Variants in EDIL3 observed in about 807,000 individuals in gnomAD.
The protein encoded by EDIL3 is EGF-like repeat and discoidin I-like domain-containing protein 3.
Under a neutral mutation model 67.4 loss-of-function variants are expected in EDIL3, and 37 were observed. The ratio of observed to expected loss-of-function variants is 0.55; its 90% confidence interval spans 0.42 to 0.72. The LOEUF is 0.72. EDIL3 is among the 30% of genes least tolerant of loss of function. The probability of loss-of-function intolerance (pLI) is 0.00; values close to 1 mark genes in which losing one functional copy is unlikely to be tolerated. For missense variants in EDIL3, 527 were observed against 586.3 expected (o/e 0.90, Z 1.04); for synonymous variants, 195 against 196.3 (o/e 0.99, Z 0.05).
At position 84,274,593 on chromosome 5, in the gene EDIL3, T is replaced by C. The variant is rs547474307; in HGVS notation, c.68-20381A>G. 5.3e-5 allele frequency among the ~76,000 whole-genome samples: 8 copies of C among 152,334 alleles called. No individual in the cohort carries two copies. In the South Asian group the frequency reaches 1.7e-3, roughly 32 times the overall value. On this transcript the variant is annotated intron_variant, in intron 1 of 10. Coordinates refer to ENST00000296591, the MANE Select transcript of EDIL3 (RefSeq NM_005711.5). ...TATGAAATCTATTTTAAGGATATTA[T>C]TGCTAATTTCATTTTAGTAAAATGT... is the stretch of plus-strand genomic sequence containing the variant.
intron 4 of EDIL3, among the ~76,000 whole-genome samples, chr5:84,153,623 C>A (rs945346286): frequency 6.6e-6 from 1 of 151,982 alleles, no homozygotes; most frequent in African/African-American, 2.4e-5. Flanking sequence ...CCACCATGCC[C>A]AGCTAATTTT....
At chr5:83,981,927 T>A (rs1383233335) in intron 9 of EDIL3, among the ~76,000 whole-genome samples, 1 of 152,024 alleles carries the variant, frequency 6.6e-6, no homozygotes, top group South Asian at 2.1e-4. Context: ...TGGCACAAAA[T>A]AAATATGGCA....
At chr5:84,010,126 C>T (rs961305552) in intron 9 of EDIL3, among the ~76,000 whole-genome samples, 7 of 152,182 alleles carry the variant, frequency 4.6e-5, no homozygotes, top group African/African-American at 1.4e-4. Context: ...CCTAGGAACT[C>T]ATTAGTACTT....
chr5:84,145,129 T>TA (rs1748270135), intron 4 of EDIL3, among the ~76,000 whole-genome samples: 1 of 152,156 alleles, frequency 6.6e-6, no homozygotes, highest in Admixed American at 6.6e-5. Flanking sequence ...CAGACAATTA[T>TA]AATACAATAT....
intron 6 of EDIL3, among the ~76,000 whole-genome samples, chr5:84,072,473 A>G (rs1467580453): frequency 6.6e-6 from 1 of 152,170 alleles, no homozygotes; most frequent in Non-Finnish European, 1.5e-5. Context: ...AAGAATATGG[A>G]GAACTAGGCA....
At chr5:84,370,557 T>C (rs1747821972) in intron 1 of EDIL3, among the ~76,000 whole-genome samples, 1 of 152,232 alleles carries the variant, frequency 6.6e-6, no homozygotes, top group Non-Finnish European at 1.5e-5. Flanking sequence ...TTGTTGCACA[T>C]ACTTTTCCTG....
chr5:84,150,442 A>G (rs768963802), intron 4 of EDIL3, among the ~76,000 whole-genome samples: 2 of 152,194 alleles, frequency 1.3e-5, no homozygotes, highest in Non-Finnish European at 2.9e-5. Context: ...TAACTCAACA[A>G]GAAATCAAAT....
intron 10 of EDIL3, among the ~76,000 whole-genome samples, chr5:83,962,298 C>T (rs1290185759): frequency 2.0e-5 from 3 of 151,408 alleles, no homozygotes; most frequent in Non-Finnish European, 3.0e-5. Flanking sequence ...TATTCTCCTC[C>T]AAATCCTTCA....
At chr5:84,355,880 T>C (rs1747469066) in intron 1 of EDIL3, among the ~76,000 whole-genome samples, 2 of 152,214 alleles carry the variant, frequency 1.3e-5, no homozygotes, top group African/African-American at 4.8e-5. Context: ...CAAAGCTGTG[T>C]CCACAGCCAC....
At chr5:84,301,059 C>T (rs146477510) in intron 1 of EDIL3, among the ~76,000 whole-genome samples, 148 of 152,152 alleles carry the variant, frequency 9.7e-4, no homozygotes, top group African/African-American at 3.2e-3. Context: ...CACCTGAGGT[C>T]GAGAGTTCAA....
At chr5:84,176,226 TA>T (rs1422125782) in intron 4 of EDIL3, among the ~76,000 whole-genome samples, 4 of 133,074 alleles carry the variant, frequency 3.0e-5, no homozygotes, top group East Asian at 4.4e-4. Context: ...TATATATATA[TA>T]ATATATTGTA....
chr5:84,233,509 C>A (rs1311767553), intron 2 of EDIL3, among the ~76,000 whole-genome samples: 2 of 152,170 alleles, frequency 1.3e-5, no homozygotes, highest in Non-Finnish European at 2.9e-5. Context: ...GATTTCAACA[C>A]TGTTTTCTTG....
At chr5:84,114,697 G>A (rs191181234) in intron 5 of EDIL3, among the ~76,000 whole-genome samples, 18 of 152,232 alleles carry the variant, frequency 1.2e-4, no homozygotes, top group East Asian at 1.2e-3. Flanking sequence ...TAAATTGCAC[G>A]TGTACCTTAA....
At chr5:84,037,028 T>C (rs1372036058) in intron 9 of EDIL3, among the ~76,000 whole-genome samples, 2 of 152,086 alleles carry the variant, frequency 1.3e-5, no homozygotes, top group African/African-American at 4.8e-5. Flanking sequence ...GCTGTATGGG[T>C]TCTGTTTGCA....
intron 3 of EDIL3, among the ~76,000 whole-genome samples, chr5:84,219,240 A>T (rs1256456854): frequency 6.6e-6 from 1 of 152,178 alleles, no homozygotes; most frequent in East Asian, 1.9e-4. Flanking sequence ...AGACCATACA[A>T]GTCAATAATG....
intron 1 of EDIL3, among the ~76,000 whole-genome samples, chr5:84,312,468 C>T (rs759252061): frequency 2.2e-3 from 323 of 145,406 alleles, no homozygotes; most frequent in Non-Finnish European, 3.5e-3. Context: ...CGGGCAGAGG[C>T]GCTCCTCACC....
At chr5:84,122,837 A>G (rs1207666724) in intron 5 of EDIL3, among the ~76,000 whole-genome samples, 1 of 151,976 alleles carries the variant, frequency 6.6e-6, no homozygotes, top group African/African-American at 2.4e-5. Context: ...TATTCATTCA[A>G]CATTTAACTA....
intron 9 of EDIL3, among the ~76,000 whole-genome samples, chr5:84,049,540 C>G (rs1322426344): frequency 6.6e-6 from 1 of 152,116 alleles, no homozygotes; most frequent in Non-Finnish European, 1.5e-5. Flanking sequence ...TTAAATGTTA[C>G]TTTATTTTTA....
At chr5:84,194,019 A>C (rs1363674867) in intron 3 of EDIL3, among the ~76,000 whole-genome samples, 1 of 151,956 alleles carries the variant, frequency 6.6e-6, no homozygotes, top group Non-Finnish European at 1.5e-5. Flanking sequence ...AACCACTTTC[A>C]CATTTTTTAA....
Sources: allele counts gnomAD v4.1 joint callset (sites outside exome capture counted in the v4.1 genomes callset), GRCh38; gene constraint gnomAD v4.1.1; transcripts MANE v1.5; gene names NCBI Gene and HGNC (gene_info 2026-07-23, HGNC 2026-07-21).